The following MAP4 variants were observed in gnomAD, a reference collection of about 807,000 sequenced individuals.
The protein encoded by MAP4 is microtubule associated protein 4.
Under a neutral mutation model 170.2 loss-of-function variants are expected in MAP4, and 76 were observed. The observed-to-expected ratio is 0.45, with a 90% CI of 0.37 to 0.54. MAP4 has a LOEUF of 0.54. Ranked by LOEUF, MAP4 falls within the 20% of genes least tolerant of loss-of-function variation. The pLI is 0.00. For synonymous variants in MAP4, 909 were observed against 994.5 expected (o/e 0.91, Z 1.62); for missense variants, 2,506 against 2,748.0 (o/e 0.91, Z 1.97).
In MAP4 at chr3:48,048,917, T is replaced by C. The variant is rs571351820; in HGVS notation, c.-20+39856A>G. On this transcript the variant is annotated intron_variant, in intron 1 of 18. Coordinates refer to the MAP4 transcript ENST00000360240. ...CTGTTCTGCTACCTCTCTGTATTTA[T>C]AGCCCCTCCACCTACTACCCCCCTG... 1.0e-3 allele frequency among the ~76,000 whole-genome samples: 155 copies of C among 152,346 alleles called. 1 individual carries two copies. The highest frequency in any genetic ancestry group is 3.1e-3 in the South Asian group (15 of 4,828).
chr3:48,059,722 T>G (rs988418187), intron 1 of MAP4, among the ~76,000 whole-genome samples: 15 of 151,908 alleles, frequency 9.9e-5, no homozygotes, highest in African/African-American at 1.7e-4. Context: ...CTCACGCCTG[T>G]AATCCTAGCA....
chr3:47,853,654 G>A (rs1376358528), intron 19 of MAP4, among the ~76,000 whole-genome samples: 1 of 152,204 alleles, frequency 6.6e-6, no homozygotes, highest in Non-Finnish European at 1.5e-5. Flanking sequence ...GCCTCAGGCT[G>A]GTACCAAAGA....
chr3:47,912,244 C>G lies in MAP4; in HGVS notation c.2177G>C (p.Trp726Ser). The stretch of plus-strand genomic sequence containing the variant: ...ACCACAGGAGGATGAACCAGAGACC[C>G]AACCTGACTCAGACAAAGAGCAGTG... ...LGHCSLSESG[W>S]VSGSSSCGGP... Residue 726 changes from tryptophan (W) to serine (S), a missense_variant, in exon 9 of 21, where the codon TGG becomes TCG. By Grantham distance (177) the Trp-to-Ser change is radical. Transcript: ENST00000683076. 6.5e-7 allele frequency: 1 copy of G among 1,536,124 alleles called. No individual in the cohort carries two copies. Among genetic ancestry groups the G allele is most frequent in the Non-Finnish European group, 8.7e-7 (1 of 1,146,898 alleles).
At chr3:47,948,691 G>A (rs60004662) in intron 3 of MAP4, among the ~76,000 whole-genome samples, 6 of 151,918 alleles carry the variant, frequency 3.9e-5, no homozygotes, top group African/African-American at 7.3e-5. Flanking sequence ...GCGCAATCTC[G>A]GCTCACTGCA....
intron 19 of MAP4, among the ~76,000 whole-genome samples, chr3:47,854,802 G>A (rs2051836924): frequency 6.7e-6 from 1 of 149,522 alleles, no homozygotes; most frequent in South Asian, 2.1e-4. Context: ...CAGGCAGCCT[G>A]CTGTCGCTGG....
intron 2 of MAP4, among the ~76,000 whole-genome samples, chr3:47,988,846 G>A (rs1044301496): frequency 1.3e-5 from 2 of 151,778 alleles, no homozygotes; most frequent in East Asian, 1.9e-4. Context: ...ACGGAGTCTC[G>A]CTGTCGCCCA....
chr3:48,052,597 G>A (rs1380262278), intron 1 of MAP4, among the ~76,000 whole-genome samples: 1 of 152,156 alleles, frequency 6.6e-6, no homozygotes, highest in Admixed American at 6.5e-5. Flanking sequence ...CCACTGAACT[G>A]TACATTTTAA....
At position 47,909,695 on chromosome 3, in the gene MAP4, G is replaced by A. The variant is rs760996540; in HGVS notation, c.4726C>T (p.Leu1576Phe). The change falls in exon 9 of 21, where the codon CTT becomes TTT. Residue 1576 changes from leucine to phenylalanine, a missense_variant. Leu to Phe is a conservative substitution (Grantham distance 22, BLOSUM62 0). Around this residue, in one of 3 missense-constraint regions of MAP4, gnomAD observed 2,008 missense variants for 2,206.0 expected, o/e 0.91. Coordinates refer to ENST00000683076, the MANE Select transcript of MAP4 (RefSeq NM_001385682.1). ...KVTELAKGHL[L>F]PGVPVEDQSL... The stretch of plus-strand genomic sequence containing the variant: ...TGGTCTTCTACTGGCACTCCAGGAA[G>A]GAGGTGACCTTTTGCTAGCTCTGTG... 361 of 1,613,888 alleles carry A rather than the reference G, an allele frequency of 2.2e-4. No individual in the cohort carries two copies. The highest frequency in any genetic ancestry group is 6.6e-4 in the Middle Eastern group (4 of 6,084).
intron 1 of MAP4, among the ~76,000 whole-genome samples, chr3:48,055,353 T>A (rs568836204): frequency 6.6e-6 from 1 of 152,318 alleles, no homozygotes; most frequent in Non-Finnish European, 1.5e-5. Flanking sequence ...TGCCTGCGAT[T>A]GCAGGCCCGC....
intron 1 of MAP4, among the ~76,000 whole-genome samples, chr3:48,047,341 T>C (rs1386612114): frequency 1.3e-5 from 2 of 151,996 alleles, no homozygotes; most frequent in South Asian, 2.1e-4. Flanking sequence ...CAGTTCTCCA[T>C]ATGGTCACCA....
intron 10 of MAP4, chr3:47,891,152 G>A (rs1270671003): frequency 3.3e-6 from 5 of 1,536,214 alleles, no homozygotes; most frequent in Admixed American, 2.0e-5. Flanking sequence ...CTGCGAGCAT[G>A]AATCAATTCT....
chr3:47,924,289 TTC>T (rs1553626586), intron 4 of MAP4, among the ~76,000 whole-genome samples: 3 of 152,096 alleles, frequency 2.0e-5, no homozygotes, highest in Admixed American at 6.6e-5. Context: ...GACAAACCTT[TTC>T]TCTCTCTACA....
chr3:48,008,531 A>G (rs187616970), intron 1 of MAP4, among the ~76,000 whole-genome samples: 4 of 152,338 alleles, frequency 2.6e-5, no homozygotes, highest in Admixed American at 1.3e-4. Flanking sequence ...GCTGTAGCCA[A>G]TGGTTTGGCT....
intron 1 of MAP4, among the ~76,000 whole-genome samples, chr3:48,045,348 A>C (rs1028796847): frequency 6.6e-6 from 1 of 152,046 alleles, no homozygotes; most frequent in Admixed American, 6.6e-5. Flanking sequence ...AAAACTAATC[A>C]TTAATGCACT....
rs1175193668 is a variant in MAP4, at chr3:47,936,983, A to C, written c.293-8633T>G. Among the ~76,000 whole-genome samples the C allele has an allele frequency of 1.0e-4, 15 of 148,986 alleles. 1 individual carries two copies. Among genetic ancestry groups the C allele is most frequent in the Admixed American group, 9.4e-4 (14 of 14,882 alleles). ...TGACAAGAGCGAAACTCCGTCTCAA[A>C]AAAAAAAAAAAAAAGAAAAGAAAGA... On this transcript the variant is annotated intron_variant, in intron 3 of 20. Coordinates refer to ENST00000683076, the MANE Select transcript of MAP4 (RefSeq NM_001385682.1).
intron 1 of MAP4, among the ~76,000 whole-genome samples, chr3:48,082,797 CAAAAAAAAAAAAA>C: frequency 2.0e-5 from 1 of 49,032 alleles, no homozygotes; most frequent in East Asian, 5.9e-4. Context: ...GACTTTGTCT[CAAAAAAAAAAAAA>C]AAAAAAAAAG....
chr3:47,861,844 G>A (rs1459706460), intron 17 of MAP4, among the ~76,000 whole-genome samples: 1 of 151,726 alleles, frequency 6.6e-6, no homozygotes, highest in Non-Finnish European at 1.5e-5. Flanking sequence ...GGGCCACAGA[G>A]TGAGACTTTG....
chr3:48,030,361 T>C (rs2100115379), intron 1 of MAP4, among the ~76,000 whole-genome samples: 1 of 151,862 alleles, frequency 6.6e-6, no homozygotes, highest in African/African-American at 2.4e-5. Context: ...CTAATACCAT[T>C]CTCTGATAAA....
At chr3:47,897,452 A>G (rs973473184) in intron 10 of MAP4, among the ~76,000 whole-genome samples, 1 of 152,136 alleles carries the variant, frequency 6.6e-6, no homozygotes, top group African/African-American at 2.4e-5. Flanking sequence ...TGATCATTGA[A>G]GTACTTCAAA....
Sources: allele counts gnomAD v4.1 joint callset (sites outside exome capture counted in the v4.1 genomes callset), GRCh38; gene constraint gnomAD v4.1.1; regional missense constraint gnomAD v4.1.1; transcripts MANE v1.5; gene names NCBI Gene and HGNC (gene_info 2026-07-23, HGNC 2026-07-21).